The following SIK3 variants were observed in gnomAD, a reference collection of about 807,000 sequenced individuals.
The protein encoded by SIK3 is SIK family kinase 3, also known as serine/threonine-protein kinase SIK3.
Under a neutral mutation model 144.2 loss-of-function variants are expected in SIK3, and 28 were observed. The observed-to-expected ratio is 0.19, with a 90% CI of 0.14 to 0.27. The LOEUF (loss-of-function observed/expected upper bound fraction) is 0.27. SIK3 is among the 10% of genes least tolerant of loss of function. SIK3 has a pLI of 1.00. For missense variants in SIK3, 1,319 were observed against 1,776.0 expected (o/e 0.74, Z 4.62); for synonymous variants, 686 against 676.3 (o/e 1.01, Z -0.22).
chr11:116,900,990 A>C (rs936568154), intron 4 of SIK3, among the ~76,000 whole-genome samples: 1 of 151,414 alleles, frequency 6.6e-6, no homozygotes, highest in African/African-American at 2.4e-5. Flanking sequence ...TCAGCCTCCC[A>C]GGTAGCTGGG....
intron 1 of SIK3, among the ~76,000 whole-genome samples, chr11:116,999,599 CTTTT>C (rs1300270037): frequency 1.3e-5 from 2 of 151,270 alleles, no homozygotes; most frequent in African/African-American, 4.9e-5. Flanking sequence ...CTTTTCTTTT[CTTTT>C]TTGTTTTTTC....
At chr11:117,069,183 TTGGG>T (rs202067386) in intron 1 of SIK3, among the ~76,000 whole-genome samples, 13,230 of 73,346 alleles carry the variant, frequency 0.18, 776 homozygotes, top group South Asian at 0.33. Context: ...AGATTTTTTT[TTGGG>T]GGGGGGGGGG....
At chr11:117,010,631 A>AC in intron 1 of SIK3, among the ~76,000 whole-genome samples, 2 of 151,564 alleles carry the variant, frequency 1.3e-5, no homozygotes, top group Admixed American at 1.3e-4. Flanking sequence ...GTCCTCTTTA[A>AC]TTTTTCCTTT....
At position 117,001,100 on chromosome 11, in the gene SIK3, G is replaced by A. The variant is rs539488723; in HGVS notation, c.274-44036C>T. 2.6e-5 allele frequency among the ~76,000 whole-genome samples: 4 copies of A among 152,304 alleles called. No homozygotes were observed. In the East Asian group the frequency reaches 5.8e-4, roughly 22 times the overall value. On this transcript the variant is annotated intron_variant, in intron 1 of 24. Coordinates refer to ENST00000445177, the MANE Select transcript of SIK3 (RefSeq NM_001366686.3). ...CCCTCAAAGTTCTTCCACTCTAGTG[G>A]GTGGGGCGATAGCACGGAAACCTTC...
chr11:116,968,248 T>C (rs1949633532), intron 1 of SIK3, among the ~76,000 whole-genome samples: 1 of 152,194 alleles, frequency 6.6e-6, no homozygotes, highest in South Asian at 2.1e-4. Context: ...GTTCGGGCAA[T>C]TCTCCTGCCT....
intron 1 of SIK3, among the ~76,000 whole-genome samples, chr11:117,052,772 T>C (rs17120251): frequency 0.22 from 33,712 of 152,144 alleles, 4,285 homozygotes; most frequent in African/African-American, 0.35. Flanking sequence ...GGAAGCTTCA[T>C]TGTAATAGCA....
intron 1 of SIK3, among the ~76,000 whole-genome samples, chr11:117,091,957 A>G (rs1565635463): frequency 1.3e-5 from 2 of 151,876 alleles, no homozygotes; most frequent in Non-Finnish European, 2.9e-5. Flanking sequence ...TAATTTTTAA[A>G]TTGTTTGTAG....
At position 117,098,218 on chromosome 11, in the gene SIK3, G is replaced by A. The variant is rs1955568699; in HGVS notation, c.198C>T (p.Tyr66=). The A allele has an allele frequency of 1.3e-6, 2 of 1,507,096 alleles. No individual in the cohort carries two copies. Among genetic ancestry groups the A allele is most frequent in the Non-Finnish European group, 1.8e-6 (2 of 1,127,790 alleles). The allele number at this position is 1,507,096 out of a possible 1,614,324, so 93.4% of individuals were successfully genotyped here. The part of the protein sequence containing the change: ...RGPMPARIGY[Y]EIDRTIGKGN... ...CCTTGCCGATGGTGCGGTCGATCTC[G>A]TAGTAGCCGATACGGGCGGGCATGG... Residue 66 remains tyrosine, a synonymous_variant, in exon 1 of 25, where the codon TAC becomes TAT. Transcript: ENST00000445177.
At chr11:116,948,554 G>C (rs1266872552) in intron 3 of SIK3, among the ~76,000 whole-genome samples, 1 of 152,170 alleles carries the variant, frequency 6.6e-6, no homozygotes, top group African/African-American at 2.4e-5. Flanking sequence ...TGGGATTATA[G>C]GCGTGAGTCA....
chr11:117,020,681 T>TC (rs982757785), intron 1 of SIK3, among the ~76,000 whole-genome samples: 2 of 152,232 alleles, frequency 1.3e-5, no homozygotes, highest in Admixed American at 6.5e-5. Flanking sequence ...GAGGAACACA[T>TC]CCACTTGCTG....
chr11:116,978,415 T>C (rs1432261508), intron 1 of SIK3, among the ~76,000 whole-genome samples: 1 of 152,142 alleles, frequency 6.6e-6, no homozygotes, highest in Non-Finnish European at 1.5e-5. Context: ...GTTTGTTCAT[T>C]TGCTTTTCTT....
chr11:116,856,024 T>C (rs1942885089), intron 21 of SIK3, among the ~76,000 whole-genome samples: 2 of 151,992 alleles, frequency 1.3e-5, no homozygotes, highest in Admixed American at 6.6e-5. Flanking sequence ...GGTGAAACCC[T>C]GTCTCTACTA....
chr11:117,018,701 T>TTTTTA (rs1175159289), intron 1 of SIK3, among the ~76,000 whole-genome samples: 1 of 143,488 alleles, frequency 7.0e-6, no homozygotes, highest in African/African-American at 2.8e-5. Context: ...TGTATCATTG[T>TTTTTA]TTTTATTTTA....
chr11:116,977,361 A>G (rs1265174167), intron 1 of SIK3, among the ~76,000 whole-genome samples: 1 of 151,932 alleles, frequency 6.6e-6, no homozygotes, highest in Non-Finnish European at 1.5e-5. Context: ...GATTACAACC[A>G]TGAGCCATCA....
chr11:117,054,579 T>C (rs1184055450), intron 1 of SIK3, among the ~76,000 whole-genome samples: 3 of 152,056 alleles, frequency 2.0e-5, no homozygotes, highest in Non-Finnish European at 4.4e-5. Context: ...CCACAATAAT[T>C]GTGTCAAGAA....
intron 4 of SIK3, among the ~76,000 whole-genome samples, chr11:116,922,925 T>TC (rs1947078762): frequency 7.1e-6 from 1 of 141,300 alleles, no homozygotes; most frequent in East Asian, 2.0e-4. Flanking sequence ...TTTTTTTTTT[T>TC]TTTTTTTTTG....
chr11:116,992,044 C>T (rs1950514910), intron 1 of SIK3, among the ~76,000 whole-genome samples: 1 of 152,102 alleles, frequency 6.6e-6, no homozygotes, highest in South Asian at 2.1e-4. Flanking sequence ...AAACTCGTGG[C>T]CGGGCATGGT....
intron 3 of SIK3, among the ~76,000 whole-genome samples, chr11:116,947,616 A>T (rs1591400241): frequency 6.9e-6 from 1 of 143,918 alleles, no homozygotes; most frequent in South Asian, 2.2e-4. Context: ...TCCAGGCTGG[A>T]GTGCAGTGGC....
At chr11:117,053,443 T>C (rs980597650) in intron 1 of SIK3, among the ~76,000 whole-genome samples, 1 of 152,130 alleles carries the variant, frequency 6.6e-6, no homozygotes, top group Non-Finnish European at 1.5e-5. Context: ...CTTAGTAATA[T>C]GCAAGCCCTT....
Sources: allele counts gnomAD v4.1 joint callset (sites outside exome capture counted in the v4.1 genomes callset), GRCh38; gene constraint gnomAD v4.1.1; transcripts MANE v1.5; gene names NCBI Gene and HGNC (gene_info 2026-07-23, HGNC 2026-07-21).